The following DAB1 variants were observed in gnomAD, a reference collection of about 807,000 sequenced individuals.
DAB1 encodes the protein DAB adaptor protein 1, also known as disabled homolog 1.
In DAB1, 15 loss-of-function variants were observed where a neutral mutation model predicts 64.6. The ratio of observed to expected loss-of-function variants is 0.23; its 90% CI spans 0.16 to 0.36. The LOEUF (loss-of-function observed/expected upper bound fraction) is 0.36. Ranked by LOEUF, DAB1 falls within the 10% of genes least tolerant of loss-of-function variation. The probability of loss-of-function intolerance (pLI) is 1.00; values close to 1 mark genes in which losing one functional copy is unlikely to be tolerated. For missense variants in DAB1, 596 were observed against 706.7 expected (o/e 0.84, Z 1.78); for synonymous variants, 235 against 251.9 (o/e 0.93, Z 0.64).
chr1:57,665,663 C>T (rs1300016757), intron 6 of DAB1, among the ~76,000 whole-genome samples: 1 of 151,958 alleles, frequency 6.6e-6, no homozygotes, highest in Admixed American at 6.6e-5. Context: ...GCTATTACAG[C>T]AGTATTTAAG....
intron 9 of DAB1, among the ~76,000 whole-genome samples, chr1:57,058,380 C>A (rs776969295): frequency 6.6e-6 from 1 of 152,192 alleles, no homozygotes; most frequent in Non-Finnish European, 1.5e-5. Context: ...AATAGATGAG[C>A]TTTGAGTCTA....
chr1:57,181,147 A>G (rs1662885170), intron 2 of DAB1, among the ~76,000 whole-genome samples: 1 of 152,228 alleles, frequency 6.6e-6, no homozygotes, highest in Non-Finnish European at 1.5e-5. Context: ...TAGACGCTTG[A>G]TAAAAGTGGA....
At chr1:57,077,572 G>C (rs1557679029) in intron 4 of DAB1, among the ~76,000 whole-genome samples, 1 of 152,172 alleles carries the variant, frequency 6.6e-6, no homozygotes, top group African/African-American at 2.4e-5. Context: ...TCTGTGAACA[G>C]AGAATTTCTT....
chr1:57,262,547 A>T (rs559317914), intron 2 of DAB1, among the ~76,000 whole-genome samples: 11 of 152,332 alleles, frequency 7.2e-5, no homozygotes, highest in African/African-American at 2.6e-4. Flanking sequence ...GTGGCATTGC[A>T]ATTGGCTGAC....
intron 7 of DAB1, among the ~76,000 whole-genome samples, chr1:57,611,826 T>C (rs947997285): frequency 2.6e-5 from 4 of 152,218 alleles, no homozygotes; most frequent in Admixed American, 2.0e-4. Flanking sequence ...TTTGAAAATA[T>C]TAATCAAGAT....
Position 57,274,766 on chromosome 1 carries a change from G to C in DAB1, c.67+16198C>G, listed in dbSNP as rs138080965. On this transcript the variant is annotated intron_variant, in intron 2 of 14. Transcript: ENST00000371236. The stretch of plus-strand genomic sequence containing the variant: ...TGACTAATTTTTTGTATTTTTAGTA[G>C]AGATGGGGTCTCACCATGTTGGCCA... Among the ~76,000 whole-genome samples the C allele has an allele frequency of 7.6e-3, 1,159 of 152,224 alleles. 14 individuals carry two copies. The highest frequency in any genetic ancestry group is 0.026 in the African/African-American group (1,086 of 41,536).
At chr1:57,723,061 G>A (rs964045331) in intron 6 of DAB1, among the ~76,000 whole-genome samples, 1 of 152,118 alleles carries the variant, frequency 6.6e-6, no homozygotes, top group African/African-American at 2.4e-5. Context: ...CTCTACCACT[G>A]ATATTGCAAT....
intron 7 of DAB1, among the ~76,000 whole-genome samples, chr1:57,513,294 A>G (rs1644426205): frequency 6.6e-6 from 1 of 152,020 alleles, no homozygotes; most frequent in Non-Finnish European, 1.5e-5. Context: ...CTTCCCCTAG[A>G]TTCTGCACAT....
At chr1:57,916,664 G>A (rs548315380) in intron 5 of DAB1, among the ~76,000 whole-genome samples, 12 of 152,324 alleles carry the variant, frequency 7.9e-5, no homozygotes, top group South Asian at 2.1e-4. Context: ...TAGGCCAGGC[G>A]TGGTGGCTCA....
At chr1:58,174,139 A>T (rs1337793369) in intron 4 of DAB1, among the ~76,000 whole-genome samples, 1 of 152,158 alleles carries the variant, frequency 6.6e-6, no homozygotes, top group Non-Finnish European at 1.5e-5. Context: ...TTCTTAGGGG[A>T]AGAGTGTTGT....
chr1:57,459,165 T>C (rs1274243684), intron 7 of DAB1, among the ~76,000 whole-genome samples: 4 of 152,164 alleles, frequency 2.6e-5, no homozygotes, highest in African/African-American at 9.7e-5. Context: ...TCAACACTTA[T>C]GACATAATTT....
intron 5 of DAB1, among the ~76,000 whole-genome samples, chr1:58,124,516 AAAT>A (rs1429225446): frequency 6.6e-6 from 1 of 152,300 alleles, no homozygotes; most frequent in Non-Finnish European, 1.5e-5. Context: ...TGATCTACCT[AAAT>A]AATATTTTGA....
At chr1:57,534,278 C>T (rs1057256921) in intron 7 of DAB1, among the ~76,000 whole-genome samples, 14 of 152,090 alleles carry the variant, frequency 9.2e-5, no homozygotes, top group South Asian at 2.1e-4. Context: ...ACAAGAGGTC[C>T]CTCGGAGAAA....
chr1:57,812,754 T>G (rs1651687982), intron 6 of DAB1, among the ~76,000 whole-genome samples: 1 of 152,254 alleles, frequency 6.6e-6, no homozygotes, highest in African/African-American at 2.4e-5. Context: ...TTACATAGAT[T>G]CAATCAGCAA....
intron 7 of DAB1, among the ~76,000 whole-genome samples, chr1:57,632,974 C>A (rs945071937): frequency 2.6e-5 from 4 of 152,072 alleles, no homozygotes; most frequent in African/African-American, 4.8e-5. Context: ...AAGATATGAT[C>A]AAAATGGGAA....
chr1:58,118,565 CATATATATAT>C (rs58370609), intron 5 of DAB1, among the ~76,000 whole-genome samples: 5 of 93,856 alleles, frequency 5.3e-5, no homozygotes, highest in African/African-American at 2.1e-4. Flanking sequence ...ATATAAAATA[CATATATATAT>C]ATACATATAT....
intron 9 of DAB1, among the ~76,000 whole-genome samples, chr1:57,053,688 A>ATATATATATATATATATT (rs1447741565): frequency 5.6e-5 from 4 of 71,402 alleles, no homozygotes; most frequent in African/African-American, 2.2e-4. Flanking sequence ...ATATATATAT[A>ATATATATATATATATATT]TTTTTTTTTT....
chr1:57,798,696 T>G (rs1007837659), intron 6 of DAB1, among the ~76,000 whole-genome samples: 1 of 152,196 alleles, frequency 6.6e-6, no homozygotes, highest in Admixed American at 6.5e-5. Flanking sequence ...AGATGGGAAA[T>G]GTTTTAATAT....
At chr1:57,829,408 G>T (rs189897580) in intron 1 of DAB1, among the ~76,000 whole-genome samples, 97 of 152,208 alleles carry the variant, frequency 6.4e-4, no homozygotes, top group African/African-American at 2.3e-3. Flanking sequence ...AGCTCACAGG[G>T]CTTCAGTTTT....
Sources: gnomAD v4.1 joint callset for allele counts (sites outside exome capture counted in the v4.1 genomes callset) on GRCh38, gnomAD v4.1.1 for gene constraint, MANE v1.5 for transcripts, NCBI Gene and HGNC (gene_info 2026-07-23, HGNC 2026-07-21) for gene names.